Variants in EPHX4 observed in about 807,000 individuals in gnomAD.
The protein encoded by EPHX4 is abhydrolase domain containing 7.
Under a neutral mutation model 44.9 loss-of-function variants are expected in EPHX4, and 31 were observed. The observed-to-expected ratio is 0.69, with a 90% CI of 0.52 to 0.93. The LOEUF (loss-of-function observed/expected upper bound fraction) is 0.93. EPHX4 is among the 40% of genes least tolerant of loss of function. The pLI is 0.00. For synonymous variants in EPHX4, 151 were observed against 159.7 expected, an observed-to-expected ratio of 0.95 and a Z score of 0.41; for missense variants, 373 against 438.1, an observed-to-expected ratio of 0.85 and a Z score of 1.33.
Position 92,030,367 on chromosome 1 carries a change from G to C in EPHX4, c.231+57G>C, listed in dbSNP as rs1688340021. 2.1e-6 allele frequency: 3 copies of C among 1,397,744 alleles called. No individual in the cohort carries two copies. In the African/African-American group the frequency reaches 4.4e-5, roughly 20 times the overall value. The allele number at this position is 1,397,744 out of a possible 1,614,324, so 86.6% of individuals were successfully genotyped here. Reference sequence around the variant, plus strand: ...GAGGGAGCGTGACCGCCGCGAGGGTGGGGGGCTCCGGGCTTCTCCTTCCGA... The same window carrying C: ...GAGGGAGCGTGACCGCCGCGAGGGTCGGGGGCTCCGGGCTTCTCCTTCCGA... On this transcript the variant is annotated intron_variant, in intron 1 of 6. Transcript: ENST00000370383.
intron 6 of EPHX4, 100 bp from the exon 7 acceptor site, chr1:92,062,955 A>T: frequency 3.0e-6 from 3 of 1,014,768 alleles, no homozygotes; most frequent in South Asian, 3.2e-5. Context: ...TAGAGGCAAG[A>T]TTGCTCACTT....
intron 1 of EPHX4, 24 bp from the exon 2 acceptor site, chr1:92,032,481 A>C (rs1688376045): frequency 6.3e-7 from 1 of 1,590,466 alleles, no homozygotes; most frequent in Admixed American, 1.7e-5. Context: ...AACATCACTA[A>C]AATTCCATGC....
intron 2 of EPHX4, among the ~76,000 whole-genome samples, chr1:92,034,564 G>C (rs1688409526): frequency 6.6e-6 from 1 of 151,570 alleles, no homozygotes; most frequent in South Asian, 2.1e-4. Context: ...ACCTCCTTTA[G>C]AGTCTTAAAG....
chr1:92,040,021 A>G (rs965034627), intron 2 of EPHX4, among the ~76,000 whole-genome samples: 12 of 152,030 alleles, frequency 7.9e-5, no homozygotes, highest in Admixed American at 2.0e-4. Flanking sequence ...GTTTATTAAC[A>G]TTTTCAAATC....
chr1:92,052,732 G>A, intron 6 of EPHX4, 74 bp downstream of exon 6: 2 of 1,336,316 alleles, frequency 1.5e-6, no homozygotes, highest in Non-Finnish European at 2.0e-6. Flanking sequence ...TTATTTTTAA[G>A]GTTAAGTTCA....
Position 92,032,559 on chromosome 1 carries a change from A to C in EPHX4, c.286A>C (p.Met96Leu). ...TGCTGGAGAAAGAGGCAAACCACTT[A>C]TGCTGCTGCTTCATGGATTTCCAGA... is the stretch of plus-strand genomic sequence containing the variant. Reference protein sequence around the residue: ...VAAGERGKPLMLLLHGFPEFW... With the variant: ...VAAGERGKPLLLLLHGFPEFW... Residue 96 changes from methionine (M) to leucine (L), a missense_variant, in exon 2 of 7, where the codon ATG becomes CTG. By Grantham distance (15) the Met-to-Leu change is conservative. Coordinates refer to ENST00000370383, the MANE Select transcript of EPHX4 (RefSeq NM_173567.5). 6.2e-7 allele frequency: 1 copy of C among 1,614,142 alleles called. No homozygotes were observed. The highest frequency in any genetic ancestry group is 1.1e-5 in the South Asian group (1 of 91,080).
At chr1:92,053,593 C>T (rs979959049) in intron 6 of EPHX4, among the ~76,000 whole-genome samples, 1 of 152,118 alleles carries the variant, frequency 6.6e-6, no homozygotes, top group Non-Finnish European at 1.5e-5. Context: ...ACTTTAACAA[C>T]TAGTCTGAAA....
rs1647225971 is a variant in EPHX4, at chr1:92,050,384, G to C, written c.672G>C (p.Trp224Cys). Residue 224 changes from tryptophan (W) to cysteine (C), a missense_variant, in exon 5 of 7, where the codon TGG becomes TGC. Coordinates refer to ENST00000370383, the MANE Select transcript of EPHX4 (RefSeq NM_173567.5). ...SSYYYFFQIP[W>C]FPEFMFSIND... ...ATTATTACTTCTTCCAAATACCATG[G>C]TTCCCAGAATTTATGTTCTCAATAA... 1 of 1,603,434 alleles carries C rather than the reference G, an allele frequency of 6.2e-7. No homozygotes were observed. Among genetic ancestry groups the C allele is most frequent in the Non-Finnish European group, 8.5e-7 (1 of 1,174,808 alleles).
At position 92,052,498 on chromosome 1, in the gene EPHX4, C is replaced by G. The variant is rs779917866; in HGVS notation, c.709-12C>G. The G allele has an allele frequency of 1.4e-5, 22 of 1,581,628 alleles. No individual in the cohort carries two copies. The highest frequency in any genetic ancestry group is 1.6e-5 in the Non-Finnish European group (19 of 1,166,586). On this transcript the variant is annotated splice_polypyrimidine_tract_variant and intron_variant, in intron 5 of 6. Coordinates refer to ENST00000370383, the MANE Select transcript of EPHX4 (RefSeq NM_173567.5). ...AAAAAAGTTTTAATTATTGTTTTCT[C>G]ACTTAAATTAGGTTTTGAAACATCT...
intron 1 of EPHX4, 51 bp downstream of exon 1, chr1:92,030,361 G>A (rs1332996442): frequency 7.1e-7 from 1 of 1,417,760 alleles, no homozygotes; most frequent in Non-Finnish European, 9.3e-7. Context: ...TGACCGCCGC[G>A]AGGGTGGGGG....
At chr1:92,047,719 T>C (rs1324147849) in intron 4 of EPHX4, among the ~76,000 whole-genome samples, 2 of 152,224 alleles carry the variant, frequency 1.3e-5, no homozygotes, top group African/African-American at 4.8e-5. Flanking sequence ...TGCCTTGATT[T>C]GTGCTAAATC....
At chr1:92,050,184 G>C in intron 4 of EPHX4, 133 bp from the exon 5 acceptor site, 1 of 603,388 alleles carries the variant, frequency 1.7e-6, no homozygotes, top group South Asian at 2.2e-5. Context: ...CATAGAAATT[G>C]TTCCAAAGAA....
chr1:92,057,205 A>G (rs965185311), intron 6 of EPHX4, among the ~76,000 whole-genome samples: 8 of 152,052 alleles, frequency 5.3e-5, no homozygotes, highest in Admixed American at 5.2e-4. Context: ...AAATTAATAC[A>G]ATAAAAAACA....
intron 6 of EPHX4, among the ~76,000 whole-genome samples, chr1:92,056,190 G>A (rs1222573083): frequency 1.3e-5 from 2 of 152,042 alleles, no homozygotes; most frequent in South Asian, 2.1e-4. Flanking sequence ...GCAAAGCTGA[G>A]TATATCATTA....
At chr1:92,032,636 A>AT (rs1688378497) in intron 2 of EPHX4, 46 bp downstream of exon 2, 2 of 1,472,774 alleles carry the variant, frequency 1.4e-6, no homozygotes, top group African/African-American at 1.4e-5. Flanking sequence ...AACTTGGCTT[A>AT]TTTTCTCAGT....
At chr1:92,062,954 G>T in intron 6 of EPHX4, 101 bp from the exon 7 acceptor site, 8 of 1,009,152 alleles carry the variant, frequency 7.9e-6, no homozygotes, top group Non-Finnish European at 1.2e-5. Context: ...TTAGAGGCAA[G>T]ATTGCTCACT....
chr1:92,030,434 GGA>G lies in EPHX4; in HGVS notation c.231+126_231+127del. ...CCCCTAGTGTCCTGGCAGGAGGGGA[GGA>G]GGGGTTGGGTCCCTGTGTGTCGTGT... On this transcript the variant is annotated intron_variant, in intron 1 of 6. Coordinates refer to ENST00000370383, the MANE Select transcript of EPHX4 (RefSeq NM_173567.5). 4 of 717,780 alleles carry G rather than the reference GGA, an allele frequency of 5.6e-6. No individual in the cohort carries two copies. In the South Asian group the frequency reaches 7.7e-5, roughly 14 times the overall value. The allele number at this position is 717,780 out of a possible 1,614,324, so 44.5% of individuals were successfully genotyped here.
intron 2 of EPHX4, among the ~76,000 whole-genome samples, chr1:92,036,809 G>T (rs1688444810): frequency 6.6e-6 from 1 of 152,112 alleles, no homozygotes; most frequent in South Asian, 2.1e-4. Flanking sequence ...ATACTACATG[G>T]AGATTGTTGG....
chr1:92,030,272 G>T lies in EPHX4; in HGVS notation c.193G>T (p.Asp65Tyr), dbSNP rs1688338643. Residue 65 changes from aspartate to tyrosine, a missense_variant, in exon 1 of 7, where the codon GAC becomes TAC. Transcript: ENST00000370383. ...AREHPPACLSDPSLGTHCYVR... is the reference protein window; with the variant it reads ...AREHPPACLSYPSLGTHCYVR... ...GGAGCACCCTCCCGCGTGCCTGAGC[G>T]ACCCCTCCTTGGGCACCCACTGCTA... The T allele has an allele frequency of 6.3e-7, 1 of 1,599,758 alleles. No individual in the cohort carries two copies. The highest frequency in any genetic ancestry group is 2.3e-5 in the East Asian group (1 of 44,198).
Sources: allele counts gnomAD v4.1 joint callset (sites outside exome capture counted in the v4.1 genomes callset), GRCh38; gene constraint gnomAD v4.1.1; transcripts MANE v1.5; gene names NCBI Gene and HGNC (gene_info 2026-07-23, HGNC 2026-07-21).